The following SH3RF3 variants were observed in gnomAD, a reference collection of about 807,000 sequenced individuals.
SH3RF3 encodes the protein E3 ubiquitin-protein ligase SH3RF3.
In SH3RF3, 29 loss-of-function variants were observed where a neutral mutation model predicts 66.3. The ratio of observed to expected loss-of-function variants is 0.44; its 90% confidence interval spans 0.33 to 0.60. SH3RF3 has a LOEUF of 0.60. Ranked by LOEUF, SH3RF3 falls within the 20% of genes least tolerant of loss-of-function variation. SH3RF3 has a pLI of 0.04. For synonymous variants in SH3RF3, 583 were observed against 532.0 expected, an observed-to-expected ratio of 1.10 and a Z score of -1.32; for missense variants, 1,194 against 1,190.9, an observed-to-expected ratio of 1.00 and a Z score of -0.04.
intron 1 of SH3RF3, among the ~76,000 whole-genome samples, chr2:109,203,024 G>A (rs1318542011): frequency 6.6e-6 from 1 of 152,182 alleles, no homozygotes; most frequent in Non-Finnish European, 1.5e-5. Flanking sequence ...TACTGGCCTG[G>A]CCATGGTCCT....
chr2:109,252,781 A>G (rs1680126383), intron 1 of SH3RF3, among the ~76,000 whole-genome samples: 1 of 152,252 alleles, frequency 6.6e-6, no homozygotes, highest in Non-Finnish European at 1.5e-5. Context: ...AGCCTGTTGT[A>G]TAATAAAGTG....
intron 1 of SH3RF3, among the ~76,000 whole-genome samples, chr2:109,332,283 C>T (rs980740666): frequency 3.9e-5 from 6 of 152,092 alleles, no homozygotes; most frequent in African/African-American, 1.2e-4. Flanking sequence ...CCCTCTGGCA[C>T]GCCAACTCTC....
At chr2:109,414,140 G>A (rs1235615778) in intron 4 of SH3RF3, among the ~76,000 whole-genome samples, 5 of 152,174 alleles carry the variant, frequency 3.3e-5, no homozygotes, top group East Asian at 1.9e-4. Context: ...GTGGTGTCCC[G>A]CAGATGGGGC....
intron 5 of SH3RF3, among the ~76,000 whole-genome samples, chr2:109,424,124 G>T (rs951315825): frequency 6.6e-6 from 1 of 152,226 alleles, no homozygotes; most frequent in African/African-American, 2.4e-5. Flanking sequence ...AGATGGGGAG[G>T]TTTGTGGGGA....
intron 6 of SH3RF3, among the ~76,000 whole-genome samples, chr2:109,435,327 A>G (rs1253073276): frequency 4.6e-5 from 7 of 152,234 alleles, no homozygotes; most frequent in Admixed American, 4.6e-4. Flanking sequence ...CCCAGGACTT[A>G]TACTTTCTTG....
intron 1 of SH3RF3, among the ~76,000 whole-genome samples, chr2:109,171,807 G>A (rs532679182): frequency 3.7e-4 from 56 of 152,368 alleles, no homozygotes; most frequent in African/African-American, 1.3e-3. Flanking sequence ...GCGGGGAGTG[G>A]CTGCCTGCCC....
chr2:109,196,609 A>G (rs1678506165), intron 1 of SH3RF3, among the ~76,000 whole-genome samples: 1 of 151,094 alleles, frequency 6.6e-6, no homozygotes, highest in Non-Finnish European at 1.5e-5. Context: ...TGGCCTTGAA[A>G]CTCCGAGTGC....
At position 109,323,010 on chromosome 2, in the gene SH3RF3, G is replaced by A. The variant is rs139988572; in HGVS notation, c.574-24664G>A. ...CAAGGCTGCTGAGCTGTGTTGCAGA[G>A]GGATTTTCTTATACCCCTAGGTGGT... On this transcript the variant is annotated intron_variant, in intron 1 of 9. Coordinates refer to ENST00000309415, the MANE Select transcript of SH3RF3 (RefSeq NM_001099289.3). Among the ~76,000 whole-genome samples, 874 of 152,326 alleles carry A rather than the reference G, an allele frequency of 5.7e-3. 9 individuals are homozygous for A. Among genetic ancestry groups the A allele is most frequent in the African/African-American group, 0.02 (836 of 41,562 alleles).
At chr2:109,264,577 G>A (rs192639596) in intron 1 of SH3RF3, among the ~76,000 whole-genome samples, 7 of 152,372 alleles carry the variant, frequency 4.6e-5, no homozygotes, top group Admixed American at 1.3e-4. Context: ...CTCAAGGCAC[G>A]ATTTAAAACC....
At chr2:109,156,995 C>T (rs1677362390) in intron 1 of SH3RF3, among the ~76,000 whole-genome samples, 1 of 152,206 alleles carries the variant, frequency 6.6e-6, no homozygotes, top group Non-Finnish European at 1.5e-5. Flanking sequence ...TGAAATCACA[C>T]ATAAATGACA....
At chr2:109,267,241 A>G (rs11123735) in intron 1 of SH3RF3, among the ~76,000 whole-genome samples, 1 of 151,842 alleles carries the variant, frequency 6.6e-6, no homozygotes, top group Admixed American at 6.6e-5. Context: ...AAGTGCATGT[A>G]AAGGCACACA....
chr2:109,411,134 C>T (rs1486921121), intron 4 of SH3RF3, among the ~76,000 whole-genome samples: 2 of 152,212 alleles, frequency 1.3e-5, no homozygotes, highest in Non-Finnish European at 2.9e-5. Context: ...GCAAGGAGCC[C>T]TCAAGTCCCT....
intron 8 of SH3RF3, among the ~76,000 whole-genome samples, chr2:109,460,588 C>G (rs1285437472): frequency 1.3e-5 from 2 of 152,242 alleles, no homozygotes; most frequent in African/African-American, 4.8e-5. Context: ...AGAATCCCAT[C>G]TGTGGAATTA....
At chr2:109,487,722 C>T (rs1296079443) in intron 8 of SH3RF3, among the ~76,000 whole-genome samples, 1 of 152,194 alleles carries the variant, frequency 6.6e-6, no homozygotes, top group Non-Finnish European at 1.5e-5. Context: ...CCACAGGGCC[C>T]AAGGTGCCCT....
intron 1 of SH3RF3, among the ~76,000 whole-genome samples, chr2:109,199,604 G>GTAACCCT (rs1678605943): frequency 9.6e-3 from 1 of 104 alleles, no homozygotes; most frequent in Non-Finnish European, 0.018. Context: ...GAATGGAATG[G>GTAACCCT]AATGGAATGG....
At chr2:109,202,040 G>A (rs1678687181) in intron 1 of SH3RF3, among the ~76,000 whole-genome samples, 1 of 152,222 alleles carries the variant, frequency 6.6e-6, no homozygotes, top group East Asian at 1.9e-4. Context: ...ATTTGCCTTG[G>A]AGCCTGGCTG....
chr2:109,362,406 T>A (rs1436847921), intron 2 of SH3RF3, among the ~76,000 whole-genome samples: 1 of 152,248 alleles, frequency 6.6e-6, no homozygotes, highest in Non-Finnish European at 1.5e-5. Context: ...TCTAATTTAA[T>A]GCTATTGTGG....
chr2:109,453,548 C>T (rs1305694985), intron 8 of SH3RF3, among the ~76,000 whole-genome samples: 2 of 152,110 alleles, frequency 1.3e-5, no homozygotes, highest in African/African-American at 4.8e-5. Flanking sequence ...CAATGGGCTG[C>T]GTGCAGTTGG....
At chr2:109,423,695 C>T (rs1040284257) in intron 5 of SH3RF3, among the ~76,000 whole-genome samples, 1 of 152,230 alleles carries the variant, frequency 6.6e-6, no homozygotes, top group Non-Finnish European at 1.5e-5. Context: ...GCCGCCCAGC[C>T]TCCTTTGACA....
Sources: gnomAD v4.1 joint callset for allele counts (sites outside exome capture counted in the v4.1 genomes callset) on GRCh38, gnomAD v4.1.1 for gene constraint, MANE v1.5 for transcripts, NCBI Gene and HGNC (gene_info 2026-07-23, HGNC 2026-07-21) for gene names.